The following CTDSPL2 variants were observed in gnomAD, a reference collection of about 807,000 sequenced individuals.
CTDSPL2 encodes the protein CTD small phosphatase-like protein 2.
In CTDSPL2, 5 loss-of-function variants were observed where a neutral mutation model predicts 60.0. The observed-to-expected ratio is 0.08, with a 90% CI of 0.04 to 0.18. The LOEUF (loss-of-function observed/expected upper bound fraction) is 0.18, where lower values mean the gene tolerates loss of function less well. Among genes scored for constraint, CTDSPL2 ranks in the 10% least tolerant of loss-of-function variants. The probability of loss-of-function intolerance (pLI) is 1.00; values close to 1 mark genes in which losing one functional copy is unlikely to be tolerated. For synonymous variants in CTDSPL2, 186 were observed against 189.3 expected (o/e 0.98, Z 0.14); for missense variants, 370 against 548.8 (o/e 0.67, Z 3.26).
At chr15:44,508,454 G>A (rs2081509284) in intron 8 of CTDSPL2, among the ~76,000 whole-genome samples, 1 of 151,906 alleles carries the variant, frequency 6.6e-6, no homozygotes, top group African/African-American at 2.4e-5. Context: ...AATTCTTCTT[G>A]CTTAATTAAA....
intron 6 of CTDSPL2, 152 bp from the exon 7 acceptor site, chr15:44,496,875 C>G (rs2081310123): frequency 2.0e-6 from 1 of 509,186 alleles, no homozygotes; most frequent in East Asian, 3.3e-5. Context: ...TACAGAGATA[C>G]TAATTTGTAT....
chr15:44,506,344 T>G (rs2081463742), intron 8 of CTDSPL2, among the ~76,000 whole-genome samples: 1 of 151,446 alleles, frequency 6.6e-6, no homozygotes, highest in South Asian at 2.1e-4. Flanking sequence ...GCCCCATTGG[T>G]AACTTTTAAT....
intron 2 of CTDSPL2, among the ~76,000 whole-genome samples, chr15:44,464,780 C>T (rs2080649760): frequency 6.6e-6 from 1 of 152,228 alleles, no homozygotes. Flanking sequence ...TGTCTCAGCT[C>T]ATTGCAACCT....
rs563099199 is a variant in CTDSPL2, at chr15:44,525,410, G to A, written c.*1236G>A. On this transcript the variant is annotated 3_prime_UTR_variant, in exon 13 of 13. Transcript: ENST00000260327. The stretch of plus-strand genomic sequence containing the variant: ...AAGAGGTTGATATTTTTATAGTGGC[G>A]TGTAATCTCCTTTTCGGGAGGCTTT... 3.3e-5 allele frequency: 13 copies of A among 398,876 alleles called. No homozygotes were observed. The highest frequency in any genetic ancestry group is 6.3e-4 in the Middle Eastern group (1 of 1,586). 24.7% of individuals were successfully genotyped at this position (398,876 alleles called of 1,614,324 possible).
At chr15:44,438,540 T>G (rs1595693579) in intron 1 of CTDSPL2, among the ~76,000 whole-genome samples, 1 of 152,288 alleles carries the variant, frequency 6.6e-6, no homozygotes, top group Non-Finnish European at 1.5e-5. Flanking sequence ...TAGGATGGCT[T>G]CTAAGTTTCT....
intron 5 of CTDSPL2, among the ~76,000 whole-genome samples, chr15:44,491,888 G>T (rs1353215137): frequency 6.6e-6 from 1 of 152,064 alleles, no homozygotes; most frequent in African/African-American, 2.4e-5. Context: ...CTGGGGTGGA[G>T]TCTCACTCTG....
intron 6 of CTDSPL2, 116 bp downstream of exon 6, chr15:44,496,574 T>G: frequency 2.6e-6 from 2 of 765,042 alleles, no homozygotes; most frequent in South Asian, 3.3e-5. Flanking sequence ...TGTAGGTATT[T>G]GAAACTTTTA....
intron 1 of CTDSPL2, among the ~76,000 whole-genome samples, chr15:44,445,077 C>T (rs2080181389): frequency 6.6e-6 from 1 of 151,628 alleles, no homozygotes; most frequent in East Asian, 1.9e-4. Flanking sequence ...ATCTCCAGAC[C>T]TTGTGATCCG....
chr15:44,448,457 C>G, intron 1 of CTDSPL2: 1 of 247,034 alleles, frequency 4.0e-6, no homozygotes, highest in East Asian at 1.1e-4. Flanking sequence ...CCAGTGTAGT[C>G]AGCGCTTGGG....
intron 2 of CTDSPL2, among the ~76,000 whole-genome samples, chr15:44,460,568 A>G (rs1319093806): frequency 6.6e-6 from 1 of 152,172 alleles, no homozygotes; most frequent in African/African-American, 2.4e-5. Flanking sequence ...AGAAAAATAA[A>G]TTACTGGCTG....
At chr15:44,483,217 C>T (rs994854817) in intron 2 of CTDSPL2, among the ~76,000 whole-genome samples, 1 of 148,646 alleles carries the variant, frequency 6.7e-6, no homozygotes, top group Non-Finnish European at 1.5e-5. Context: ...GAGGCATGAT[C>T]GTGCCACTGC....
At chr15:44,428,674 C>T (rs2079796560) in intron 1 of CTDSPL2, among the ~76,000 whole-genome samples, 1 of 152,164 alleles carries the variant, frequency 6.6e-6, no homozygotes, top group Non-Finnish European at 1.5e-5. Context: ...GCTGGTAACG[C>T]AGTACCAAGA....
chr15:44,442,638 GT>G (rs1163676026), intron 1 of CTDSPL2, among the ~76,000 whole-genome samples: 1 of 151,426 alleles, frequency 6.6e-6, no homozygotes, highest in Non-Finnish European at 1.5e-5. Flanking sequence ...CTTTTCTTCT[GT>G]CCCCATTATT....
chr15:44,449,278 G>A (rs1008636984), intron 1 of CTDSPL2: 1 of 223,028 alleles, frequency 4.5e-6, no homozygotes, highest in East Asian at 1.1e-4. Context: ...TGCTTGTCTA[G>A]CACCTGAATA....
chr15:44,484,972 T>G (rs1453704764), intron 3 of CTDSPL2, among the ~76,000 whole-genome samples: 1 of 152,210 alleles, frequency 6.6e-6, no homozygotes, highest in South Asian at 2.1e-4. Flanking sequence ...TGACTTAATT[T>G]AATTGAAATA....
intron 8 of CTDSPL2, among the ~76,000 whole-genome samples, chr15:44,514,383 T>A (rs1289941224): frequency 6.6e-6 from 1 of 152,242 alleles, no homozygotes; most frequent in Non-Finnish European, 1.5e-5. Context: ...AATGACTTGA[T>A]CATCAGTGAT....
chr15:44,515,647 A>C (rs1246279092), intron 10 of CTDSPL2, among the ~76,000 whole-genome samples: 2 of 152,060 alleles, frequency 1.3e-5, no homozygotes, highest in Non-Finnish European at 2.9e-5. Context: ...GAGTCTGGCT[A>C]ATCACCTGAG....
rs537036961 is a variant in CTDSPL2, at chr15:44,527,935, A to G, written c.*3761A>G. 6.6e-6 allele frequency: 1 copy of G among 152,228 alleles called. No individual in the cohort carries two copies. Among genetic ancestry groups the G allele is most frequent in the South Asian group, 2.1e-4 (1 of 4,836 alleles). The allele number at this position is 152,228 out of a possible 1,614,324, so 9.4% of individuals were successfully genotyped here. A position where few individuals can be genotyped will look rare whatever the true frequency, so the allele number is the denominator to read the frequency against. On this transcript the variant is annotated 3_prime_UTR_variant, in exon 13 of 13. Coordinates refer to ENST00000260327, the MANE Select transcript of CTDSPL2 (RefSeq NM_016396.3). Reference sequence around the variant, plus strand: ...CCTGAGTTGAAAGCCTACGACAAACATGTATAAAATACATTTAAGAATTTT... The same window carrying G: ...CCTGAGTTGAAAGCCTACGACAAACGTGTATAAAATACATTTAAGAATTTT...
At chr15:44,433,439 A>G (rs1389328898) in intron 1 of CTDSPL2, among the ~76,000 whole-genome samples, 2 of 146,060 alleles carry the variant, frequency 1.4e-5, no homozygotes, top group Non-Finnish European at 3.0e-5. Context: ...AGGGATTTAA[A>G]TGTTTTATAT....
Sources: allele counts gnomAD v4.1 joint callset (sites outside exome capture counted in the v4.1 genomes callset), GRCh38; gene constraint gnomAD v4.1.1; transcripts MANE v1.5; gene names NCBI Gene and HGNC (gene_info 2026-07-23, HGNC 2026-07-21).